Variants in PRR16 observed in about 807,000 individuals in gnomAD.
The protein encoded by PRR16 is protein Largen.
A neutral mutation model predicts 18.2 loss-of-function variants in PRR16; 6 were observed. That is an observed-to-expected ratio of 0.33 (90% CI 0.18 to 0.65). The LOEUF (loss-of-function observed/expected upper bound fraction) is 0.65, where lower values mean the gene tolerates loss of function less well. PRR16 is among the 30% of genes least tolerant of loss of function. The pLI is 0.74. For missense variants in PRR16, 412 were observed against 376.6 expected, an observed-to-expected ratio of 1.09 and a Z score of -0.78; for synonymous variants, 151 against 147.8, an observed-to-expected ratio of 1.02 and a Z score of -0.16.
At chr5:120,736,654 A>G in the PRR16 span, among the ~76,000 whole-genome samples, 2 of 146,490 alleles carry the variant, frequency 1.4e-5, no homozygotes, top group Non-Finnish European at 3.0e-5. Context: ...GATGGATTAC[A>G]TTGAATGTAT....
the PRR16 span, among the ~76,000 whole-genome samples, chr5:120,705,841 G>C: frequency 9.2e-5 from 14 of 152,026 alleles, no homozygotes; most frequent in Non-Finnish European, 1.9e-4. Flanking sequence ...CCTGGTACAA[G>C]ATGATGTGGA....
the PRR16 span, among the ~76,000 whole-genome samples, chr5:120,701,619 G>T: frequency 1.4e-5 from 2 of 141,668 alleles, no homozygotes; most frequent in East Asian, 3.9e-4. Flanking sequence ...AGGAAGAATT[G>T]GGATCTAGCT....
intron 1 of PRR16, among the ~76,000 whole-genome samples, chr5:120,685,736 T>C (rs958197232): frequency 1.3e-5 from 2 of 152,150 alleles, no homozygotes; most frequent in African/African-American, 2.4e-5. Context: ...TATGTTATGT[T>C]CTAAGCATGT....
At chr5:120,581,647 T>A (rs1199879053) in intron 1 of PRR16, among the ~76,000 whole-genome samples, 1 of 152,202 alleles carries the variant, frequency 6.6e-6, no homozygotes, top group Non-Finnish European at 1.5e-5. Context: ...CTGTTTGATA[T>A]GGGCATTTAG....
chr5:120,773,846 G>T, the PRR16 span, among the ~76,000 whole-genome samples: 5 of 152,054 alleles, frequency 3.3e-5, no homozygotes, highest in Non-Finnish European at 5.9e-5. Flanking sequence ...CAGACTAAAT[G>T]CATTGTTTTG....
At chr5:120,692,979 T>C in the PRR16 span, among the ~76,000 whole-genome samples, 1 of 152,192 alleles carries the variant, frequency 6.6e-6, no homozygotes, top group South Asian at 2.1e-4. Context: ...CTTTCAATTA[T>C]AATTAAGTTC....
intron 1 of PRR16, among the ~76,000 whole-genome samples, chr5:120,655,119 A>C (rs1374911022): frequency 3.3e-5 from 5 of 151,910 alleles, no homozygotes; most frequent in Non-Finnish European, 7.4e-5. Flanking sequence ...AAGAGAAATA[A>C]AATGATATTT....
intron 1 of PRR16, among the ~76,000 whole-genome samples, chr5:120,609,961 C>T (rs1754282167): frequency 6.6e-6 from 1 of 152,202 alleles, no homozygotes; most frequent in Non-Finnish European, 1.5e-5. Context: ...TATCTTCCTG[C>T]TCTGCCTACA....
chr5:120,576,113 CAA>C (rs1289169717), intron 1 of PRR16, among the ~76,000 whole-genome samples: 1 of 152,024 alleles, frequency 6.6e-6, no homozygotes, highest in African/African-American at 2.4e-5. Flanking sequence ...TTGGTCTAGG[CAA>C]AGATTTTTTT....
At chr5:120,713,452 A>G in the PRR16 span, among the ~76,000 whole-genome samples, 3 of 152,224 alleles carry the variant, frequency 2.0e-5, no homozygotes, top group African/African-American at 7.2e-5. Flanking sequence ...GTAAATATAA[A>G]GTGATAACAT....
the PRR16 span, among the ~76,000 whole-genome samples, chr5:120,754,761 A>G: frequency 2.0e-5 from 3 of 149,540 alleles, no homozygotes; most frequent in Non-Finnish European, 4.4e-5. Context: ...TATGATATTG[A>G]TAACATCTTT....
intron 1 of PRR16, among the ~76,000 whole-genome samples, chr5:120,525,429 G>A (rs1714371439): frequency 6.6e-6 from 1 of 151,670 alleles, no homozygotes; most frequent in Non-Finnish European, 1.5e-5. Context: ...ATGCTATCTT[G>A]CTGTATTTTA....
At chr5:120,743,575 C>A in the PRR16 span, among the ~76,000 whole-genome samples, 14 of 152,040 alleles carry the variant, frequency 9.2e-5, no homozygotes, top group African/African-American at 3.4e-4. Flanking sequence ...ACTTTGCAAA[C>A]TTTATCTTTT....
At chr5:120,732,081 T>C in the PRR16 span, among the ~76,000 whole-genome samples, 2 of 152,236 alleles carry the variant, frequency 1.3e-5, no homozygotes, top group South Asian at 4.1e-4. Flanking sequence ...CAAAAAGACA[T>C]TGCACAGATT....
At chr5:120,678,522 A>T (rs994269188) in intron 1 of PRR16, among the ~76,000 whole-genome samples, 3 of 152,190 alleles carry the variant, frequency 2.0e-5, no homozygotes, top group East Asian at 1.9e-4. Context: ...ACACGTGCTT[A>T]TATGTTCTGA....
the PRR16 span, among the ~76,000 whole-genome samples, chr5:120,696,102 C>T: frequency 2.6e-5 from 4 of 152,026 alleles, no homozygotes; most frequent in Admixed American, 6.5e-5. Context: ...ATTAGCCGGA[C>T]GTAGTGGCGA....
At chr5:120,660,756 T>A (rs566117763) in intron 1 of PRR16, among the ~76,000 whole-genome samples, 162 of 152,232 alleles carry the variant, frequency 1.1e-3, no homozygotes, top group Non-Finnish European at 1.8e-3. Flanking sequence ...TGCAGTCTTA[T>A]GTGTGTTTTT....
chr5:120,743,643 C>T, the PRR16 span, among the ~76,000 whole-genome samples: 5 of 152,086 alleles, frequency 3.3e-5, no homozygotes, highest in Non-Finnish European at 5.9e-5. Context: ...GATGTTTCTC[C>T]TAGAAAATGT....
chr5:120,783,457 A>T, the PRR16 span, among the ~76,000 whole-genome samples: 1 of 152,164 alleles, frequency 6.6e-6, no homozygotes, highest in Admixed American at 6.5e-5. Flanking sequence ...GTAGAATGGC[A>T]TCATGTTTTA....
Sources: allele counts gnomAD v4.1 joint callset (sites outside exome capture counted in the v4.1 genomes callset), GRCh38; gene constraint gnomAD v4.1.1; transcripts MANE v1.5; gene names NCBI Gene and HGNC (gene_info 2026-07-23, HGNC 2026-07-21).